The following PRKG1 variants were observed in gnomAD, a reference collection of about 807,000 sequenced individuals.
The protein encoded by PRKG1 is cGMP-dependent protein kinase 1.
Under a neutral mutation model 88.1 loss-of-function variants are expected in PRKG1, and 35 were observed. That is an observed-to-expected ratio of 0.40 (90% confidence interval 0.30 to 0.53). The LOEUF (loss-of-function observed/expected upper bound fraction) is 0.53, where lower values mean the gene tolerates loss of function less well. Ranked by LOEUF, PRKG1 falls within the 20% of genes least tolerant of loss-of-function variation. The probability of loss-of-function intolerance (pLI) is 0.59; values close to 1 mark genes in which losing one functional copy is unlikely to be tolerated. For synonymous variants in PRKG1, 303 were observed against 292.5 expected (o/e 1.04, Z -0.37); for missense variants, 540 against 839.8 (o/e 0.64, Z 4.41).
intron 3 of PRKG1, among the ~76,000 whole-genome samples, chr10:51,661,743 G>T (rs1243031067): frequency 1.3e-5 from 2 of 152,128 alleles, no homozygotes; most frequent in Non-Finnish European, 2.9e-5. Context: ...ATACCCAAAG[G>T]ATTATAAATC....
At chr10:51,924,078 G>A (rs189002938) in intron 5 of PRKG1, among the ~76,000 whole-genome samples, 68 of 152,068 alleles carry the variant, frequency 4.5e-4, no homozygotes, top group Admixed American at 1.0e-3. Flanking sequence ...ATCTTCCTCA[G>A]CTTCCCAAAG....
chr10:51,156,297 G>GCACACACACACCCACACA (rs1846210166), intron 2 of PRKG1, among the ~76,000 whole-genome samples: 1 of 35,134 alleles, frequency 2.8e-5, no homozygotes, highest in African/African-American at 2.3e-4. Flanking sequence ...TTTGATGCAA[G>GCACACACACACCCACACA]CACACACACA....
intron 4 of PRKG1, among the ~76,000 whole-genome samples, chr10:51,850,136 T>C (rs1456190165): frequency 6.6e-6 from 1 of 152,232 alleles, no homozygotes; most frequent in Non-Finnish European, 1.5e-5. Context: ...ATCTTTCTAC[T>C]TGTACCCCAA....
At chr10:52,048,044 G>T (rs929573190) in intron 5 of PRKG1, among the ~76,000 whole-genome samples, 2 of 151,986 alleles carry the variant, frequency 1.3e-5, no homozygotes, top group Non-Finnish European at 2.9e-5. Flanking sequence ...TACAAAGGTG[G>T]TTTATACTTA....
At chr10:51,579,259 G>C (rs994902528) in intron 3 of PRKG1, among the ~76,000 whole-genome samples, 1 of 151,950 alleles carries the variant, frequency 6.6e-6, no homozygotes, top group Non-Finnish European at 1.5e-5. Flanking sequence ...TGGGATTACA[G>C]GTGTGAGCCA....
Position 52,294,938 on chromosome 10 carries a change from T to G in PRKG1, c.*1038T>G, listed in dbSNP as rs535853118. Reference sequence around the variant, plus strand: ...ACACAAATTCAAATCATTATACGTGTAGCCAGAAACTCAAGCATTTTCACT... The same window carrying G: ...ACACAAATTCAAATCATTATACGTGGAGCCAGAAACTCAAGCATTTTCACT... On this transcript the variant is annotated 3_prime_UTR_variant, in exon 18 of 18. Coordinates refer to ENST00000373980, the MANE Select transcript of PRKG1 (RefSeq NM_006258.4). 4 of 152,668 alleles carry G rather than the reference T, an allele frequency of 2.6e-5. No individual in the cohort carries two copies. The highest frequency in any genetic ancestry group is 9.6e-5 in the African/African-American group (4 of 41,562). The allele number at this position is 152,668 out of a possible 1,614,324, so 9.5% of individuals were successfully genotyped here.
intron 5 of PRKG1, among the ~76,000 whole-genome samples, chr10:51,931,485 A>G (rs1315096260): frequency 6.6e-6 from 1 of 152,160 alleles, no homozygotes; most frequent in African/African-American, 2.4e-5. Context: ...ATAAAATGCT[A>G]AAGATGGGAA....
intron 4 of PRKG1, among the ~76,000 whole-genome samples, chr10:51,904,455 T>G (rs1240931601): frequency 6.6e-6 from 1 of 152,108 alleles, no homozygotes; most frequent in East Asian, 1.9e-4. Flanking sequence ...ACTATAAACA[T>G]TCTGAATTGT....
At chr10:51,827,568 G>A (rs1008762033) in intron 4 of PRKG1, among the ~76,000 whole-genome samples, 11 of 152,102 alleles carry the variant, frequency 7.2e-5, no homozygotes, top group African/African-American at 2.2e-4. Flanking sequence ...GAGTGTGGAT[G>A]CATTTTATCA....
At chr10:51,785,673 A>T (rs1016159014) in intron 3 of PRKG1, among the ~76,000 whole-genome samples, 2 of 152,124 alleles carry the variant, frequency 1.3e-5, no homozygotes, top group Admixed American at 1.3e-4. Context: ...TCTACAGTGA[A>T]CTAAGGTGTA....
At chr10:51,553,236 G>A (rs1382726769) in intron 3 of PRKG1, among the ~76,000 whole-genome samples, 1 of 151,642 alleles carries the variant, frequency 6.6e-6, no homozygotes, top group African/African-American at 2.4e-5. Flanking sequence ...AATAATGAAT[G>A]ATAAAAGCTG....
intron 1 of PRKG1, among the ~76,000 whole-genome samples, chr10:51,058,522 C>A (rs1843658561): frequency 6.6e-6 from 1 of 152,104 alleles, no homozygotes; most frequent in African/African-American, 2.4e-5. Flanking sequence ...AATTAACCTT[C>A]ATTGGTACAA....
At chr10:52,144,846 A>C (rs916928762) in intron 8 of PRKG1, among the ~76,000 whole-genome samples, 1 of 152,164 alleles carries the variant, frequency 6.6e-6, no homozygotes, top group African/African-American at 2.4e-5. Flanking sequence ...AAAATAAATA[A>C]ACTTTAGTCT....
At position 52,167,964 on chromosome 10, in the gene PRKG1, T is replaced by G. The variant is rs139230697; in HGVS notation, c.1076+6001T>G. 4.4e-3 allele frequency among the ~76,000 whole-genome samples: 672 copies of G among 152,306 alleles called. 3 individuals carry two copies. The highest frequency in any genetic ancestry group is 6.0e-3 in the Non-Finnish European group (407 of 68,024). Reference sequence around the variant, plus strand: ...CCAAATGAGCATGGACAGATAGATTTTCATCTGTAATATCCCTTGGTATAC... The same window carrying G: ...CCAAATGAGCATGGACAGATAGATTGTCATCTGTAATATCCCTTGGTATAC... On this transcript the variant is annotated intron_variant, in intron 9 of 17. Transcript: ENST00000373980.
chr10:51,526,094 A>G (rs978594053), intron 3 of PRKG1, among the ~76,000 whole-genome samples: 5 of 152,224 alleles, frequency 3.3e-5, no homozygotes, highest in African/African-American at 9.6e-5. Context: ...TGCTAGGATT[A>G]CAGGTGTGAG....
At chr10:51,281,603 C>T (rs946020913) in intron 2 of PRKG1, among the ~76,000 whole-genome samples, 3 of 152,186 alleles carry the variant, frequency 2.0e-5, no homozygotes, top group Non-Finnish European at 4.4e-5. Context: ...GGCCTGCCTT[C>T]CTCTGTAGAC....
intron 3 of PRKG1, among the ~76,000 whole-genome samples, chr10:51,654,870 C>G (rs1440631135): frequency 6.6e-6 from 1 of 152,148 alleles, no homozygotes; most frequent in Non-Finnish European, 1.5e-5. Context: ...AGGAAGCTGA[C>G]AGTGTACACA....
chr10:51,978,767 T>C (rs1472194444), intron 5 of PRKG1, among the ~76,000 whole-genome samples: 1 of 152,048 alleles, frequency 6.6e-6, no homozygotes, highest in African/African-American at 2.4e-5. Flanking sequence ...AGGTTGACTG[T>C]TGTTCATGTA....
chr10:51,495,139 G>A (rs576964325), intron 3 of PRKG1, among the ~76,000 whole-genome samples: 3 of 152,152 alleles, frequency 2.0e-5, no homozygotes, highest in South Asian at 2.1e-4. Context: ...CTGTCACCCA[G>A]GCTGGAATGC....
Sources: allele counts gnomAD v4.1 joint callset (sites outside exome capture counted in the v4.1 genomes callset), GRCh38; gene constraint gnomAD v4.1.1; transcripts MANE v1.5; gene names NCBI Gene and HGNC (gene_info 2026-07-23, HGNC 2026-07-21).